The following ZER1 variants were observed in gnomAD, a reference collection of about 807,000 sequenced individuals.
The protein encoded by ZER1 is protein zer-1 homolog.
ZER1 carries 11 observed loss-of-function variants against 78.8 expected under a neutral mutation model. The observed-to-expected ratio is 0.14, with a 90% confidence interval of 0.09 to 0.23. The LOEUF (loss-of-function observed/expected upper bound fraction) is 0.23, where lower values mean the gene tolerates loss of function less well. ZER1 is among the 10% of genes least tolerant of loss of function. ZER1 has a pLI of 1.00. For synonymous variants in ZER1, 400 were observed against 407.0 expected (o/e 0.98, Z 0.21); for missense variants, 588 against 996.9 (o/e 0.59, Z 5.52).
chr9:128,741,475 G>A, intron 11 of ZER1, 60 bp downstream of exon 11: 19 of 1,612,432 alleles, frequency 1.2e-5, no homozygotes, highest in Non-Finnish European at 1.5e-5. Flanking sequence ...GGAGCCTAGG[G>A]ACAGAAGAGG....
rs779000939 is a variant in ZER1, at chr9:128,733,475, C to T, written c.2194G>A (p.Asp732Asn). 4 of 1,613,918 alleles carry T rather than the reference C, an allele frequency of 2.5e-6. No homozygotes were observed. The highest frequency in any genetic ancestry group is 8.5e-7 in the Non-Finnish European group (1 of 1,179,948). Reference sequence around the variant, plus strand: ...CGTGCGGTCGCCATCTTAATTATGTCCCTCAGAAGGGGCATCCCCCCTTCT... The same window carrying T: ...CGTGCGGTCGCCATCTTAATTATGTTCCTCAGAAGGGGCATCCCCCCTTCT... ...IKEGGMPLLR[D>N]IIKMATARQE... is the part of the protein sequence containing the mutation. The change falls in exon 15 of 16, where the codon GAC becomes AAC. Residue 732 changes from aspartate (D) to asparagine (N), a missense_variant. Around this residue, in one of 3 missense-constraint regions of ZER1, gnomAD observed 122 missense variants for 173.5 expected, o/e 0.70. Coordinates refer to ENST00000291900, the MANE Select transcript of ZER1 (RefSeq NM_006336.4).
intron 11 of ZER1, 81 bp downstream of exon 11, chr9:128,741,454 T>G: frequency 6.3e-7 from 1 of 1,595,932 alleles, no homozygotes; most frequent in East Asian, 2.2e-5. Flanking sequence ...TGCTGCGGAT[T>G]TGGTTGGTGG....
rs1424919166 is a variant in ZER1, at chr9:128,754,134, A to G, written c.159-175T>C. ...ACTACCAGTAAGATTAAGGGTGCCC[A>G]GGAACCAGGAATCTAAAGGCAGCTC... On this transcript the variant is annotated intron_variant, in intron 2 of 15. Coordinates refer to ENST00000291900, the MANE Select transcript of ZER1 (RefSeq NM_006336.4). This position sits in a 1 kb window ranked among gnomAD's most constrained non-coding sequence, Gnocchi z 4.3. Among the ~76,000 whole-genome samples the G allele has an allele frequency of 2.6e-5, 4 of 152,198 alleles. No homozygotes were observed. The highest frequency in any genetic ancestry group is 1.3e-4 in the Admixed American group (2 of 15,278).
chr9:128,736,872 A>C (rs1863102109), intron 13 of ZER1, among the ~76,000 whole-genome samples: 1 of 151,876 alleles, frequency 6.6e-6, no homozygotes, highest in South Asian at 2.1e-4. Flanking sequence ...GGCCAGGTGC[A>C]ATGGCTCACA....
In ZER1 at chr9:128,755,981, G is replaced by A. The variant is rs1589537498; in HGVS notation, c.-94-322C>T. 6.6e-6 allele frequency among the ~76,000 whole-genome samples: 1 copy of A among 152,316 alleles called. No individual in the cohort carries two copies. The highest frequency in any genetic ancestry group is 1.9e-4 in the East Asian group (1 of 5,184). The stretch of plus-strand genomic sequence containing the variant: ...TTCCCACAGTCTGAAGAGCTACACT[G>A]GGGTGTTCCATGCTGTGCAGTACTT... On this transcript the variant is annotated intron_variant, in intron 1 of 15. Transcript: ENST00000291900. The surrounding 1 kb of genome is among the most constrained non-coding windows in gnomAD (Gnocchi z 5.6).
intron 1 of ZER1, among the ~76,000 whole-genome samples, chr9:128,762,125 T>TTA (rs1281272455): frequency 6.6e-6 from 1 of 151,952 alleles, no homozygotes; most frequent in African/African-American, 2.4e-5. Context: ...TTTTTTTTTT[T>TTA]AGCTCATCTG....
At chr9:128,767,400 C>T (rs891482525) in intron 1 of ZER1, among the ~76,000 whole-genome samples, 4 of 151,982 alleles carry the variant, frequency 2.6e-5, no homozygotes, top group African/African-American at 4.8e-5. Flanking sequence ...CGTATACCAA[C>T]AGACCTGGCT....
rs1168386862 is a variant in ZER1, at chr9:128,739,973, A to C, written c.2000T>G (p.Ile667Ser). 6.2e-7 allele frequency: 1 copy of C among 1,613,208 alleles called. No individual in the cohort carries two copies. The highest frequency in any genetic ancestry group is 1.1e-5 in the South Asian group (1 of 91,050). Reference protein sequence around the residue: ...EEVEERMWAAIQSWDINSRRN... With the variant: ...EEVEERMWAASQSWDINSRRN... Reference sequence around the variant, plus strand: ...CCGAGAGTTTATGTCCCAGCTCTGGATGGCAGCCCACATGCGTTCCTCCAC... The same window carrying C: ...CCGAGAGTTTATGTCCCAGCTCTGGCTGGCAGCCCACATGCGTTCCTCCAC... The change falls in exon 13 of 16, where the codon ATC (isoleucine) becomes AGC (serine). Residue 667 changes from isoleucine (I) to serine (S), a missense_variant. By Grantham distance (142) the Ile-to-Ser change is moderately radical. Around this residue, in one of 3 missense-constraint regions of ZER1, gnomAD observed 122 missense variants for 173.5 expected, o/e 0.70. Transcript: ENST00000291900.
rs989151094 is a variant in ZER1 at position 128,771,567 on chromosome 9, G to A, written c.-95+14C>T. The A allele has an allele frequency of 6.6e-6, 1 of 152,404 alleles. No homozygotes were observed. Among genetic ancestry groups the A allele is most frequent in the Non-Finnish European group, 1.5e-5 (1 of 68,162 alleles). The allele number at this position is 152,404 out of a possible 1,614,324, so 9.4% of individuals were successfully genotyped here. A position where few individuals can be genotyped will look rare whatever the true frequency, so the allele number is the denominator to read the frequency against. On this transcript the variant is annotated intron_variant, in intron 1 of 15. Coordinates refer to ENST00000291900, the MANE Select transcript of ZER1 (RefSeq NM_006336.4). ...GACGCAGGTACGTCCCTTGGCCCGG[G>A]GTCCGGGACCTACCCTGGACGGGGC...
In ZER1 at chr9:128,750,650, A is replaced by G; in HGVS notation, c.1325T>C (p.Val442Ala). 1 of 1,614,204 alleles carries G rather than the reference A, an allele frequency of 6.2e-7. No homozygotes were observed. The highest frequency in any genetic ancestry group is 8.5e-7 in the Non-Finnish European group (1 of 1,180,030). The change falls in exon 8 of 16, where the codon GTG (valine) becomes GCG (alanine). Residue 442 changes from valine to alanine, a missense_variant. By Grantham distance (64) the Val-to-Ala change is moderately conservative (BLOSUM62 0). Transcript: ENST00000291900. ...VKLRRQVIQV[V>A]LNGMESYQEV... ...CTGGTAGGATTCCATGCCATTCAGC[A>G]CCACCTGGATAACCTGCCGGCGCAG...
rs1863262399 is a variant in ZER1, at chr9:128,740,671, T to C, written c.1853+101A>G. 4.6e-6 allele frequency: 3 copies of C among 656,406 alleles called. No individual in the cohort carries two copies. The South Asian group carries it at 5.3e-5, about 12-fold the overall frequency. The allele number at this position is 656,406 out of a possible 1,614,324, so 40.7% of individuals were successfully genotyped here. On this transcript the variant is annotated intron_variant, in intron 12 of 15. Transcript: ENST00000291900. This position sits in a 1 kb window ranked among gnomAD's most constrained non-coding sequence, Gnocchi z 4.4. ...CATTATCGAGGGAAAATGACATTTA[T>C]AGCAAACCTAGGCTAAGAGCAGTTG...
chr9:128,731,752 C>A (rs2132373046), intron 15 of ZER1, among the ~76,000 whole-genome samples: 1 of 152,352 alleles, frequency 6.6e-6, no homozygotes, highest in South Asian at 2.1e-4. Context: ...TTTCCCTGCA[C>A]ACTAGACCCT....
chr9:128,767,320 C>T (rs1233406547), intron 1 of ZER1, among the ~76,000 whole-genome samples: 2 of 152,012 alleles, frequency 1.3e-5, no homozygotes, highest in African/African-American at 4.8e-5. Flanking sequence ...GATCTCAGCT[C>T]GCTGCAACCT....
At chr9:128,752,443 C>G (rs771457401) in intron 5 of ZER1, among the ~76,000 whole-genome samples, 4 of 152,124 alleles carry the variant, frequency 2.6e-5, no homozygotes, top group Non-Finnish European at 5.9e-5. Context: ...ACCTTAGCCT[C>G]CCAAGTAGCT....
At position 128,742,992 on chromosome 9, in the gene ZER1, C is replaced by A. The variant is rs775122611; in HGVS notation, c.1360-247G>T. ...ACATAAAGTGAACTCAATGTAACCA[C>A]CACCTGGGTCAAGAAACAGAACACT... On this transcript the variant is annotated intron_variant, in intron 8 of 15. Coordinates refer to ENST00000291900, the MANE Select transcript of ZER1 (RefSeq NM_006336.4). 5.6e-4 allele frequency among the ~76,000 whole-genome samples: 86 copies of A among 152,322 alleles called. No homozygotes were observed. The Middle Eastern group carries it at 0.01, about 18-fold the overall frequency.
chr9:128,759,000 T>TA (rs1267682929), intron 1 of ZER1, among the ~76,000 whole-genome samples: 2 of 139,758 alleles, frequency 1.4e-5, no homozygotes, highest in Non-Finnish European at 3.1e-5. Context: ...TTCAAGTGAA[T>TA]TTTTTTTTTT....
Position 128,734,142 on chromosome 9 carries a change from A to ATATATATATATATATAT in ZER1, c.2141-615_2141-614insATATATATATATATATA, listed in dbSNP as rs1372132455. Reference sequence around the variant, plus strand: ...AACTCCGTCTCAAAAAAAAAAAAAAAAAATATATATATATATATATAAAAT... The same window carrying ATATATATATATATATAT: ...AACTCCGTCTCAAAAAAAAAAAAAAATATATATATATATATATAAATATATATATATATATATAAAAT... On this transcript the variant is annotated intron_variant, in intron 14 of 15. Coordinates refer to ENST00000291900, the MANE Select transcript of ZER1 (RefSeq NM_006336.4). Among the ~76,000 whole-genome samples, 19 of 19,624 alleles carry ATATATATATATATATAT rather than the reference A, an allele frequency of 9.7e-4. 2 individuals carry two copies. The highest frequency in any genetic ancestry group is 6.4e-3 in the East Asian group (2 of 312). 12.9% of individuals were successfully genotyped at this position (19,624 alleles called of 152,430 possible).
rs918458346 is a variant in ZER1 at position 128,750,696 on chromosome 9, G to A, written c.1279C>T (p.Arg427Cys). 3.1e-6 allele frequency: 5 copies of A among 1,614,116 alleles called. No individual in the cohort carries two copies. The highest frequency in any genetic ancestry group is 3.4e-6 in the Non-Finnish European group (4 of 1,180,054). The change falls in exon 8 of 16, where the codon CGC (arginine) becomes TGC (cysteine). Residue 427 changes from arginine to cysteine, a missense_variant. By Grantham distance (180) the Arg-to-Cys change is radical. Coordinates refer to ENST00000291900, the MANE Select transcript of ZER1 (RefSeq NM_006336.4). ...ALFYLTNSEY[R>C]SEQSVKLRRQ... ...CGCAGCTTCACACTCTGCTCTGAGC[G>A]GTACTCGGAATTTGTTAGGTAGAAG...
In ZER1 at chr9:128,751,206, C is replaced by G. The variant is rs148438985; in HGVS notation, c.1101G>C (p.Arg367=). 2,479 of 1,609,716 alleles carry G rather than the reference C, an allele frequency of 1.5e-3. 4 individuals carry two copies. The highest frequency in any genetic ancestry group is 1.3e-3 in the Non-Finnish European group (1,560 of 1,176,444). Residue 367 remains arginine, a synonymous_variant, in exon 7 of 16, where the codon CGG becomes CGC. Transcript: ENST00000291900. This position sits in a 1 kb window ranked among gnomAD's most constrained non-coding sequence, Gnocchi z 5.4. ...LNAIEAYTEH[R]PEITSRAINL... ...TGATGGCCCGCGAGGTGATCTCAGG[C>G]CGGTGCTCCGTGTAGGCCTCGATGG...
Sources: gnomAD v4.1 joint callset for allele counts (sites outside exome capture counted in the v4.1 genomes callset) on GRCh38, gnomAD v4.1.1 for gene constraint, gnomAD v4.1.1 regional missense constraint, Gnocchi (gnomAD v3.1) non-coding constraint, MANE v1.5 for transcripts, NCBI Gene and HGNC (gene_info 2026-07-23, HGNC 2026-07-21) for gene names.